LTA4H: variants seen among roughly 807,000 people sequenced by gnomAD.
LTA4H encodes leukotriene A4 hydrolase.
Under a neutral mutation model 89.8 loss-of-function variants are expected in LTA4H, and 59 were observed. That is an observed-to-expected ratio of 0.66 (90% CI 0.53 to 0.82). LTA4H has a LOEUF of 0.82. Ranked by LOEUF, LTA4H falls within the 40% of genes least tolerant of loss-of-function variation. The probability of loss-of-function intolerance (pLI) is 0.00; values close to 1 mark genes in which losing one functional copy is unlikely to be tolerated. For missense variants in LTA4H, 617 were observed against 727.0 expected (o/e 0.85, Z 1.74); for synonymous variants, 227 against 253.1 (o/e 0.90, Z 0.98).
At chr12:96,039,829 A>G (rs936661524), upstream of LTA4H, among the ~76,000 whole-genome samples, 2 of 152,362 alleles carry the variant, frequency 1.3e-5, no homozygotes, top group East Asian at 3.9e-4. Flanking sequence ...CCTTTCTTGA[A>G]ATAGTCGATG....
rs1950628434 is a variant in LTA4H at position 96,035,379 on chromosome 12, C to T, written c.141G>A (p.Glu47=). The change falls in exon 1 of 19, where the codon GAG becomes GAA. Residue 47 remains glutamate (E), a synonymous_variant. Coordinates refer to ENST00000228740, the MANE Select transcript of LTA4H (RefSeq NM_000895.3). The part of the protein sequence containing the change: ...GTAALTVQSQ[E]DNLRSLVLDT... Reference sequence around the variant, plus strand: ...ACTGTACCAGGCTGCGCAGATTGTCCTCCTGAGACTGGACCGTGAGAGCAG... The same window carrying T: ...ACTGTACCAGGCTGCGCAGATTGTCTTCCTGAGACTGGACCGTGAGAGCAG... 6.2e-7 allele frequency: 1 copy of T among 1,610,870 alleles called. No individual in the cohort carries two copies. The highest frequency in any genetic ancestry group is 1.3e-5 in the African/African-American group (1 of 74,968).
chr12:96,017,148 A>T, intron 9 of LTA4H, 34 bp from the exon 10 acceptor site: 2 of 1,422,176 alleles, frequency 1.4e-6, no homozygotes, highest in Non-Finnish European at 2.0e-6. Context: ...AGTAAGACTG[A>T]TTATCTTAAC....
rs189296147 is a variant in LTA4H at position 96,022,087 on chromosome 12, G to T, written c.585+60C>A. 1.2e-4 allele frequency: 130 copies of T among 1,101,928 alleles called. 1 individual carries two copies. The African/African-American group carries it at 1.7e-3, about 15-fold the overall frequency. 68.3% of individuals were successfully genotyped at this position (1,101,928 alleles called of 1,614,324 possible). A position where few individuals can be genotyped will look rare whatever the true frequency, so the allele number is the denominator to read the frequency against. On this transcript the variant is annotated intron_variant, in intron 5 of 18. Coordinates refer to ENST00000228740, the MANE Select transcript of LTA4H (RefSeq NM_000895.3). This position sits in a 1 kb window ranked among gnomAD's most constrained non-coding sequence, Gnocchi z 4.0. ...AAAAGTAATTTTGCCCTCTGGATGT[G>T]TACAAGCTAACTGTAGTTTACCGCC...
intron 1 of LTA4H, among the ~76,000 whole-genome samples, chr12:96,029,818 C>T (rs1950554087): frequency 6.6e-6 from 1 of 152,154 alleles, no homozygotes; most frequent in South Asian, 2.1e-4. Flanking sequence ...AAATCATACT[C>T]TTTAATTATC....
intron 13 of LTA4H, 112 bp from the exon 14 acceptor site, chr12:96,013,370 A>C (rs1482120666): frequency 1.6e-6 from 1 of 628,274 alleles, no homozygotes; most frequent in Admixed American, 2.8e-5. Context: ...CTATATCAAG[A>C]TAATTTCTAA....
At chr12:96,043,405 G>A in exon 1 of LTA4H, 2 of 1,413,560 alleles carry the variant, frequency 1.4e-6, no homozygotes, top group Non-Finnish European at 1.9e-6. Flanking sequence ...GTGTAGACAG[G>A]AGGAGAGAAA....
At chr12:96,041,849 G>A (rs956300718) in intron 1 of LTA4H, among the ~76,000 whole-genome samples, 1 of 152,062 alleles carries the variant, frequency 6.6e-6, no homozygotes. Context: ...CACCGTGTTA[G>A]CCAGGATGGT....
intron 3 of LTA4H, among the ~76,000 whole-genome samples, chr12:96,025,558 C>T (rs1950504245): frequency 6.6e-6 from 1 of 152,116 alleles, no homozygotes; most frequent in Admixed American, 6.5e-5. Context: ...AGGCCAGGTG[C>T]CGTGGCTCAC....
intron 8 of LTA4H, among the ~76,000 whole-genome samples, chr12:96,017,994 T>C (rs1163813830): frequency 6.6e-6 from 1 of 152,208 alleles, no homozygotes; most frequent in African/African-American, 2.4e-5. Flanking sequence ...CCATCACTCA[T>C]TTTGGTTCTA....
chr12:96,014,974 G>C lies in LTA4H; in HGVS notation c.1085C>G (p.Pro362Arg). ...CAGATCAACCACAAGTTTGGTGAAA[G>C]GATGTGTCTCCCCAAATGTCTTTAC... Reference protein sequence around the residue: ...NSVKTFGETHPFTKLVVDLTD... With the variant: ...NSVKTFGETHRFTKLVVDLTD... The change falls in exon 12 of 19, where the codon CCT (proline) becomes CGT (arginine). Residue 362 changes from proline (P) to arginine (R), a missense_variant. By Grantham distance (103) the Pro-to-Arg change is moderately radical. This residue lies in a region of LTA4H where 290 missense variants were observed against 339.1 expected (regional missense o/e 0.86). Coordinates refer to ENST00000228740, the MANE Select transcript of LTA4H (RefSeq NM_000895.3). The C allele has an allele frequency of 6.2e-7, 1 of 1,612,492 alleles. No homozygotes were observed. Among genetic ancestry groups the C allele is most frequent in the Non-Finnish European group, 8.5e-7 (1 of 1,179,512 alleles).
intron 16 of LTA4H, among the ~76,000 whole-genome samples, chr12:96,005,198 C>A (rs1950178736): frequency 6.6e-6 from 1 of 152,072 alleles, no homozygotes; most frequent in African/African-American, 2.4e-5. Flanking sequence ...TGCTTGGATT[C>A]TTTACTGTCA....
At chr12:96,013,490 A>C (rs1171733253) in intron 13 of LTA4H, among the ~76,000 whole-genome samples, 4 of 152,214 alleles carry the variant, frequency 2.6e-5, no homozygotes, top group African/African-American at 9.6e-5. Context: ...AGTCAAGCTA[A>C]TATATCCATT....
intron 15 of LTA4H, among the ~76,000 whole-genome samples, chr12:96,008,558 TAA>T (rs2136868358): frequency 6.6e-6 from 1 of 151,634 alleles, no homozygotes; most frequent in African/African-American, 2.4e-5. Context: ...TTTTTTTTTT[TAA>T]GAGTTAAGAA....
In LTA4H at chr12:96,035,419, G is replaced by A. The variant is rs1410727222; in HGVS notation, c.101C>T (p.Thr34Met). 1 of 1,610,918 alleles carries A rather than the reference G, an allele frequency of 6.2e-7. No homozygotes were observed. The change falls in exon 1 of 19, where the codon ACG (threonine) becomes ATG (methionine). Residue 34 changes from threonine (T) to methionine (M), a missense_variant. By Grantham distance (81) the Thr-to-Met change is moderately conservative. Around this residue, in one of 3 missense-constraint regions of LTA4H, gnomAD observed 155 missense variants for 143.3 expected, o/e 1.08. Transcript: ENST00000228740. ...CGTGAGAGCAGCAGTCCCGGTCAGC[G>A]TCCGGCGAGTAAAGTCGACGCTGCA... ...LRCSVDFTRR[T>M]LTGTAALTVQ...
chr12:96,004,880 C>T (rs1950173014), intron 16 of LTA4H, among the ~76,000 whole-genome samples: 1 of 152,132 alleles, frequency 6.6e-6, no homozygotes, highest in Non-Finnish European at 1.5e-5. Flanking sequence ...CTACCATGTT[C>T]TCTCTCTCTG....
chr12:96,035,257 G>C, intron 1 of LTA4H, 104 bp downstream of exon 1: 1 of 1,253,642 alleles, frequency 8.0e-7, no homozygotes, highest in Non-Finnish European at 1.1e-6. Context: ...GGGCTAGGCA[G>C]GGGCCGCGGC....
upstream of LTA4H, among the ~76,000 whole-genome samples, chr12:96,036,578 G>C (rs1950649422): frequency 6.6e-6 from 1 of 152,132 alleles, no homozygotes; most frequent in African/African-American, 2.4e-5. Flanking sequence ...AAGATGCTGG[G>C]GGCCTGACAT....
chr12:96,023,000 C>G lies in LTA4H; in HGVS notation c.481-749G>C, dbSNP rs576759456. Among the ~76,000 whole-genome samples the G allele has an allele frequency of 6.6e-6, 1 of 152,148 alleles. No individual in the cohort carries two copies. Among genetic ancestry groups the G allele is most frequent in the Admixed American group, 6.5e-5 (1 of 15,280 alleles). The stretch of plus-strand genomic sequence containing the variant: ...CTGTCAAATAATTTTCTCTGGAAAT[C>G]CATACGGAAAAGACCCTTATGCGGC... On this transcript the variant is annotated intron_variant, in intron 4 of 18. Coordinates refer to ENST00000228740, the MANE Select transcript of LTA4H (RefSeq NM_000895.3). This position sits in a 1 kb window ranked among gnomAD's most constrained non-coding sequence, Gnocchi z 4.0.
At chr12:96,038,682 A>T (rs1263423962), upstream of LTA4H, among the ~76,000 whole-genome samples, 1 of 151,518 alleles carries the variant, frequency 6.6e-6, no homozygotes, top group Non-Finnish European at 1.5e-5. Flanking sequence ...CAGAGCCGCA[A>T]ACATTTTTTG....
Sources: allele counts gnomAD v4.1 joint callset (sites outside exome capture counted in the v4.1 genomes callset), GRCh38; gene constraint gnomAD v4.1.1; regional missense constraint gnomAD v4.1.1; non-coding constraint Gnocchi (gnomAD v3.1); transcripts MANE v1.5; gene names NCBI Gene and HGNC (gene_info 2026-07-23, HGNC 2026-07-21).